Variants in PHACTR1 observed in about 807,000 individuals in gnomAD.
The protein encoded by PHACTR1 is phosphatase and actin regulator 1, also known as RPEL repeat containing 1.
Under a neutral mutation model 69.2 loss-of-function variants are expected in PHACTR1, and 16 were observed. The observed-to-expected ratio is 0.23, with a 90% CI of 0.16 to 0.35. The LOEUF (loss-of-function observed/expected upper bound fraction) is 0.35, where lower values mean the gene tolerates loss of function less well. PHACTR1 is among the 10% of genes least tolerant of loss of function. The pLI, the probability that PHACTR1 is intolerant of heterozygous loss-of-function variation, is 1.00. For missense variants in PHACTR1, 510 were observed against 734.7 expected (o/e 0.69, Z 3.54); for synonymous variants, 312 against 284.5 (o/e 1.10, Z -0.97).
At position 12,779,925 on chromosome 6, in the gene PHACTR1, A is replaced by G. The variant is rs114317423; in HGVS notation, c.250+30135A>G. On this transcript the variant is annotated intron_variant, in intron 4 of 14. Coordinates refer to ENST00000332995, the MANE Select transcript of PHACTR1 (RefSeq NM_030948.6). ...ATTATGTAATGCTCTTTTCATGAAT[A>G]TTACTCACTGAGCTTTAAATGCTAT... 1.6e-3 allele frequency among the ~76,000 whole-genome samples: 248 copies of G among 152,336 alleles called. 3 individuals are homozygous for G. The highest frequency in any genetic ancestry group is 5.8e-3 in the African/African-American group (240 of 41,586).
intron 4 of PHACTR1, among the ~76,000 whole-genome samples, chr6:12,768,222 C>T (rs1768906584): frequency 6.8e-6 from 1 of 146,346 alleles, no homozygotes. Context: ...TCACACCATT[C>T]TCCTGCCTCA....
intron 3 of PHACTR1, among the ~76,000 whole-genome samples, chr6:12,727,745 T>C (rs1762984273): frequency 1.3e-5 from 2 of 152,140 alleles, no homozygotes; most frequent in Non-Finnish European, 2.9e-5. Context: ...AAAATGTTGG[T>C]ACCACCCTTT....
At chr6:12,849,480 G>A (rs371275902) in intron 4 of PHACTR1, among the ~76,000 whole-genome samples, 1 of 152,144 alleles carries the variant, frequency 6.6e-6, no homozygotes, top group Admixed American at 6.5e-5. Flanking sequence ...GGGTCTGATT[G>A]GAAGAGAAAA....
intron 4 of PHACTR1, among the ~76,000 whole-genome samples, chr6:12,905,222 G>A (rs1264306804): frequency 6.6e-6 from 1 of 152,128 alleles, no homozygotes; most frequent in East Asian, 1.9e-4. Flanking sequence ...TGGAGCTAAC[G>A]GGGTGCAGGA....
intron 8 of PHACTR1, 38 bp downstream of exon 8, chr6:13,206,174 G>T (rs1448041012): frequency 6.7e-7 from 1 of 1,499,412 alleles, no homozygotes; most frequent in East Asian, 2.5e-5. Flanking sequence ...GGGAGGAGAG[G>T]GGTTGGCTGG....
intron 4 of PHACTR1, among the ~76,000 whole-genome samples, chr6:12,807,912 G>C (rs1774542382): frequency 6.6e-6 from 1 of 152,176 alleles, no homozygotes; most frequent in Non-Finnish European, 1.5e-5. Flanking sequence ...GCCCAATAAA[G>C]TGTTTTGAAT....
At chr6:12,816,473 A>G (rs1178839815) in intron 4 of PHACTR1, among the ~76,000 whole-genome samples, 3 of 152,162 alleles carry the variant, frequency 2.0e-5, no homozygotes, top group African/African-American at 7.2e-5. Flanking sequence ...TAGGGGAAGA[A>G]TCATTACTCT....
At chr6:12,825,249 G>T (rs114626852) in intron 4 of PHACTR1, among the ~76,000 whole-genome samples, 3 of 151,642 alleles carry the variant, frequency 2.0e-5, no homozygotes, top group Non-Finnish European at 2.9e-5. Context: ...GGAGTTCAAG[G>T]CTGCAGAGGG....
At chr6:13,136,401 T>A (rs1327828644) in intron 5 of PHACTR1, among the ~76,000 whole-genome samples, 1 of 152,236 alleles carries the variant, frequency 6.6e-6, no homozygotes, top group Non-Finnish European at 1.5e-5. Context: ...TCAGCCTTCA[T>A]AGAATTGAAG....
chr6:12,869,150 G>A, intron 4 of PHACTR1, among the ~76,000 whole-genome samples: 1 of 152,184 alleles, frequency 6.6e-6, no homozygotes. Context: ...TGGGCCACCA[G>A]AGACTCACAG....
At chr6:12,763,534 C>T (rs1330937908) in intron 4 of PHACTR1, among the ~76,000 whole-genome samples, 1 of 152,150 alleles carries the variant, frequency 6.6e-6, no homozygotes. Context: ...TCTGTCTCCT[C>T]CATGGTTCTG....
chr6:13,003,988 T>TATATATGTATATATATATATATATAC (rs1798474295), intron 4 of PHACTR1, among the ~76,000 whole-genome samples: 1 of 140,372 alleles, frequency 7.1e-6, no homozygotes. Flanking sequence ...TACACATATA[T>TATATATGTATATATATATATATATAC]ATATATCACA....
chr6:13,024,249 A>T (rs998577586), intron 4 of PHACTR1, among the ~76,000 whole-genome samples: 3 of 152,332 alleles, frequency 2.0e-5, no homozygotes, highest in Non-Finnish European at 2.9e-5. Context: ...CTGCACAATT[A>T]GGGACCATCC....
intron 7 of PHACTR1, chr6:13,184,906 G>A (rs1179589901): frequency 2.2e-6 from 3 of 1,366,450 alleles, no homozygotes; most frequent in Non-Finnish European, 2.9e-6. Flanking sequence ...TGCTTTCCCT[G>A]GAGACCATGA....
At chr6:12,930,020 C>A (rs1462762291) in intron 4 of PHACTR1, among the ~76,000 whole-genome samples, 1 of 151,824 alleles carries the variant, frequency 6.6e-6, no homozygotes, top group Non-Finnish European at 1.5e-5. Flanking sequence ...GTTAATCTCC[C>A]AACACTGCCT....
chr6:13,149,021 T>C (rs1003901453), intron 5 of PHACTR1, among the ~76,000 whole-genome samples: 3 of 152,250 alleles, frequency 2.0e-5, no homozygotes, highest in African/African-American at 7.2e-5. Flanking sequence ...TTGATATTGC[T>C]GGACTTAGGG....
At chr6:13,101,642 T>C (rs1815179117) in intron 5 of PHACTR1, among the ~76,000 whole-genome samples, 1 of 152,228 alleles carries the variant, frequency 6.6e-6, no homozygotes, top group Admixed American at 6.5e-5. Flanking sequence ...GTGGTGGATA[T>C]GGTACTCAAA....
chr6:13,130,160 A>G (rs562064681), intron 5 of PHACTR1, among the ~76,000 whole-genome samples: 3 of 152,284 alleles, frequency 2.0e-5, no homozygotes. Context: ...AAGGTGGTAC[A>G]AAGAGGACAG....
rs9369625 is a variant in PHACTR1 at position 12,870,060 on chromosome 6, G to A, written c.250+120270G>A. Among the ~76,000 whole-genome samples, 1,306 of 151,510 alleles carry A rather than the reference G, an allele frequency of 8.6e-3. 37 individuals are homozygous for A. In the East Asian group the frequency reaches 0.1, roughly 12 times the overall value. ...AAGCCCTCATACATTTTATTGGATCGAATGAAAGAGGAGAAGCAAATTAGC... is the reference window on the plus strand; with the variant it reads ...AAGCCCTCATACATTTTATTGGATCAAATGAAAGAGGAGAAGCAAATTAGC... On this transcript the variant is annotated intron_variant, in intron 4 of 14. Coordinates refer to ENST00000332995, the MANE Select transcript of PHACTR1 (RefSeq NM_030948.6).
Sources: gnomAD v4.1 joint callset for allele counts (sites outside exome capture counted in the v4.1 genomes callset) on GRCh38, gnomAD v4.1.1 for gene constraint, MANE v1.5 for transcripts, NCBI Gene and HGNC (gene_info 2026-07-23, HGNC 2026-07-21) for gene names.